Variants in RASEF observed in about 807,000 individuals in gnomAD.
RASEF encodes the protein RAS and EF-hand domain containing.
Under a neutral mutation model 90.1 loss-of-function variants are expected in RASEF, and 68 were observed. The observed-to-expected ratio is 0.75, with a 90% CI of 0.62 to 0.92. The LOEUF (loss-of-function observed/expected upper bound fraction) is 0.92, where lower values mean the gene tolerates loss of function less well. Among genes scored for constraint, RASEF ranks in the 40% least tolerant of loss-of-function variants. The probability of loss-of-function intolerance (pLI) is 0.00; values close to 1 mark genes in which losing one functional copy is unlikely to be tolerated. For missense variants in RASEF, 949 were observed against 937.2 expected, an observed-to-expected ratio of 1.01 and a Z score of -0.16; for synonymous variants, 331 against 345.2, an observed-to-expected ratio of 0.96 and a Z score of 0.46.
the RASEF span, among the ~76,000 whole-genome samples, chr9:83,217,563 G>C: frequency 1.3e-5 from 2 of 152,084 alleles, no homozygotes; most frequent in African/African-American, 2.4e-5. Context: ...CACTACCATG[G>C]TTTTATAAAG....
intron 1 of RASEF, among the ~76,000 whole-genome samples, chr9:83,034,943 T>C (rs1300409227): frequency 3.3e-5 from 5 of 152,146 alleles, no homozygotes; most frequent in African/African-American, 9.7e-5. Flanking sequence ...TTCCATCCAT[T>C]ATTATTCTTA....
the RASEF span, among the ~76,000 whole-genome samples, chr9:83,169,219 G>A: frequency 6.6e-5 from 10 of 151,812 alleles, no homozygotes; most frequent in African/African-American, 1.5e-4. Flanking sequence ...TCCATTGTGC[G>A]TATAAACCAA....
chr9:83,104,796 T>C, the RASEF span, among the ~76,000 whole-genome samples: 1 of 152,328 alleles, frequency 6.6e-6, no homozygotes, highest in African/African-American at 2.4e-5. Flanking sequence ...TAAAACATTA[T>C]TAGTTCTCTA....
chr9:83,137,398 G>T, the RASEF span, among the ~76,000 whole-genome samples: 1 of 152,234 alleles, frequency 6.6e-6, no homozygotes, highest in South Asian at 2.1e-4. Flanking sequence ...ATAACAACTG[G>T]TTAATTTGGA....
intron 16 of RASEF, among the ~76,000 whole-genome samples, chr9:82,983,151 A>ACACACACAC (rs1289508160): frequency 4.0e-5 from 5 of 125,502 alleles, no homozygotes; most frequent in African/African-American, 1.4e-4. Context: ...ACACACACAC[A>ACACACACAC]CACACCCTTC....
At chr9:83,134,824 G>T in the RASEF span, among the ~76,000 whole-genome samples, 1 of 152,112 alleles carries the variant, frequency 6.6e-6, no homozygotes, top group Non-Finnish European at 1.5e-5. Context: ...GCTCGTAGCA[G>T]TATTTTCACA....
At chr9:83,024,977 T>G (rs73469427) in intron 2 of RASEF, among the ~76,000 whole-genome samples, 4,513 of 152,234 alleles carry the variant, frequency 0.03, 206 homozygotes, top group African/African-American at 0.1. Context: ...AGCATCCGTG[T>G]GGCACAACAC....
chr9:83,026,120 A>G (rs1440722661), intron 1 of RASEF, among the ~76,000 whole-genome samples, 199 bp from the exon 2 acceptor site: 1 of 152,184 alleles, frequency 6.6e-6, no homozygotes, highest in Non-Finnish European at 1.5e-5. Flanking sequence ...GGGGCCTGCG[A>G]GGACAGTGAA....
the RASEF span, among the ~76,000 whole-genome samples, chr9:83,213,517 C>A: frequency 6.6e-6 from 1 of 152,120 alleles, no homozygotes; most frequent in East Asian, 1.9e-4. Flanking sequence ...GGTGCTTATA[C>A]AATATCTGTC....
At chr9:83,008,889 A>ATC (rs200990915) in intron 6 of RASEF, among the ~76,000 whole-genome samples, 10,625 of 50,134 alleles carry the variant, frequency 0.21, 2,296 homozygotes, top group East Asian at 0.33. Flanking sequence ...TGAAGTTCTC[A>ATC]TCATATATAT....
In RASEF at chr9:83,062,986, G is replaced by T; in HGVS notation, c.-119C>A. On this transcript the variant is annotated 5_prime_UTR_variant, in exon 1 of 17. Coordinates refer to ENST00000376447, the MANE Select transcript of RASEF (RefSeq NM_152573.4). ...CCCGGCGAGTTTGGCTCGTCCGGCT[G>T]GTTCGGCCACTTGAGGGAACGTCGG... 8.7e-7 allele frequency: 1 copy of T among 1,143,996 alleles called. No individual in the cohort carries two copies. Among genetic ancestry groups the T allele is most frequent in the East Asian group, 3.2e-5 (1 of 31,654 alleles). The allele number at this position is 1,143,996 out of a possible 1,614,324, so 70.9% of individuals were successfully genotyped here. A position where few individuals can be genotyped will look rare whatever the true frequency, so the allele number is the denominator to read the frequency against.
intron 3 of RASEF, among the ~76,000 whole-genome samples, 193 bp downstream of exon 3, chr9:83,022,143 C>T (rs990703362): frequency 2.0e-4 from 31 of 152,130 alleles, no homozygotes; most frequent in African/African-American, 6.0e-4. Flanking sequence ...ATTTGCTTTG[C>T]TTATTTATTA....
chr9:83,022,505 G>A (rs565893830), intron 2 of RASEF, 79 bp from the exon 3 acceptor site: 56 of 1,008,678 alleles, frequency 5.6e-5, no homozygotes, highest in Middle Eastern at 2.0e-4. Flanking sequence ...ATTCATCTAC[G>A]TTAAGCCCTA....
intron 1 of RASEF, among the ~76,000 whole-genome samples, chr9:83,036,399 C>A (rs776948399): frequency 6.6e-6 from 1 of 152,228 alleles, no homozygotes; most frequent in Non-Finnish European, 1.5e-5. Context: ...TGGAAAATTA[C>A]AAGCATAGTG....
At chr9:83,203,197 T>C in the RASEF span, among the ~76,000 whole-genome samples, 45 of 152,300 alleles carry the variant, frequency 3.0e-4, no homozygotes, top group African/African-American at 1.1e-3. Flanking sequence ...AAATAAATAT[T>C]GAGTACTTCT....
intron 1 of RASEF, among the ~76,000 whole-genome samples, chr9:83,026,871 C>T (rs1829558337): frequency 6.6e-6 from 1 of 152,134 alleles, no homozygotes; most frequent in Non-Finnish European, 1.5e-5. Context: ...CAATTTCATT[C>T]TGACACTACC....
At position 82,982,698 on chromosome 9, in the gene RASEF, C is replaced by G; in HGVS notation, c.2202G>C (p.Met734Ile). The G allele has an allele frequency of 6.3e-7, 1 of 1,596,250 alleles. No individual in the cohort carries two copies. ...GGATTTAGCCATTGCAACAATTCTT[C>G]ATCTGTGGTGACTTTTTGGAATTGG... ...TGTNSKKSPQMKNCCNG is the reference protein window; with the variant it reads ...TGTNSKKSPQIKNCCNG The change falls in exon 17 of 17, where the codon ATG becomes ATC. Residue 734 changes from methionine (M) to isoleucine (I), a missense_variant. Met to Ile is a conservative substitution (Grantham distance 10). Around this residue, in one of 3 missense-constraint regions of RASEF, gnomAD observed 288 missense variants for 328.4 expected, o/e 0.88. Transcript: ENST00000376447.
chr9:83,125,228 C>T, the RASEF span, among the ~76,000 whole-genome samples: 55 of 152,126 alleles, frequency 3.6e-4, no homozygotes, highest in Non-Finnish European at 7.1e-4. Flanking sequence ...CATCACCAGC[C>T]AGGTTACAGA....
At chr9:83,071,570 T>C in the RASEF span, among the ~76,000 whole-genome samples, 2 of 152,110 alleles carry the variant, frequency 1.3e-5, no homozygotes, top group Non-Finnish European at 2.9e-5. Flanking sequence ...CACACCTAGC[T>C]AATTTTTTAT....
Sources: allele counts gnomAD v4.1 joint callset (sites outside exome capture counted in the v4.1 genomes callset), GRCh38; gene constraint gnomAD v4.1.1; regional missense constraint gnomAD v4.1.1; transcripts MANE v1.5; gene names NCBI Gene and HGNC (gene_info 2026-07-23, HGNC 2026-07-21).